DAZL: variants seen among roughly 807,000 people sequenced by gnomAD.
DAZL encodes deleted in azoospermia like, also known as deleted in azoospermia-like.
Under a neutral mutation model 45.0 loss-of-function variants are expected in DAZL, and 4 were observed. That is an observed-to-expected ratio of 0.09 (90% CI 0.04 to 0.20). The LOEUF is 0.20. Ranked by LOEUF, DAZL falls within the 10% of genes least tolerant of loss-of-function variation. The pLI, the probability that DAZL is intolerant of heterozygous loss-of-function variation, is 1.00. For missense variants in DAZL, 326 were observed against 351.3 expected (o/e 0.93, Z 0.58); for synonymous variants, 122 against 112.4 (o/e 1.09, Z -0.54).
chr3:16,588,151 C>G lies in DAZL; in HGVS notation c.*509G>C, dbSNP rs1694465876. 5.8e-6 allele frequency: 1 copy of G among 171,960 alleles called. No individual in the cohort carries two copies. Among genetic ancestry groups the G allele is most frequent in the East Asian group, 1.8e-4 (1 of 5,640 alleles). The allele number at this position is 171,960 out of a possible 1,614,324, so 10.7% of individuals were successfully genotyped here. On this transcript the variant is annotated 3_prime_UTR_variant, in exon 11 of 11. Transcript: ENST00000399444. Reference sequence around the variant, plus strand: ...TTTAGATAAGAAGACTTCAATAAAGCTAACTATATATTGAGTTCCACTGAT... The same window carrying G: ...TTTAGATAAGAAGACTTCAATAAAGGTAACTATATATTGAGTTCCACTGAT...
In DAZL at chr3:16,595,368, TG is replaced by T. The variant is rs1453956819; in HGVS notation, c.515del (p.Pro172GlnfsTer95). 1 of 1,582,186 alleles carries T rather than the reference TG, an allele frequency of 6.3e-7. No homozygotes were observed. Reference sequence around the variant, plus strand: ...CAGTGATGACCTGAACTGGTGAATTTGGGTAAGTAGGATATGCCTGAAAATC... The same window carrying T: ...CAGTGATGACCTGAACTGGTGAATTTGGTAAGTAGGATATGCCTGAAAATC... ...TQYVQAYPTY[P>X]NSPVQVITGY... On this transcript the variant is annotated frameshift_variant, in exon 7 of 11. Coordinates refer to ENST00000399444, the MANE Select transcript of DAZL (RefSeq NM_001351.4). LOFTEE classifies it high-confidence loss of function.
intron 10 of DAZL, 61 bp from the exon 11 acceptor site, chr3:16,588,774 C>G (rs1694475856): frequency 1.7e-5 from 23 of 1,340,276 alleles, no homozygotes; most frequent in Non-Finnish European, 2.4e-5. Context: ...TACTATAGAT[C>G]TGAAAGTTGT....
intron 9 of DAZL, among the ~76,000 whole-genome samples, chr3:16,593,144 A>G (rs193061423): frequency 1.1e-3 from 167 of 152,346 alleles, no homozygotes; most frequent in Middle Eastern, 0.01. Flanking sequence ...TCTTTTGAAG[A>G]GTAGAATTCT....
chr3:16,602,623 T>C lies in DAZL; in HGVS notation c.3+2580A>G, dbSNP rs7649972. On this transcript the variant is annotated intron_variant, in intron 1 of 10. Coordinates refer to ENST00000399444, the MANE Select transcript of DAZL (RefSeq NM_001351.4). Reference sequence around the variant, plus strand: ...CCCTGCCCTCAACACAAATGCAAAATTCCAGCAGTATATAAAGAATATAGT... The same window carrying C: ...CCCTGCCCTCAACACAAATGCAAAACTCCAGCAGTATATAAAGAATATAGT... 4.9e-3 allele frequency among the ~76,000 whole-genome samples: 749 copies of C among 152,234 alleles called. 6 individuals are homozygous for C. The highest frequency in any genetic ancestry group is 0.017 in the African/African-American group (701 of 41,546).
chr3:16,588,722 G>C lies in DAZL; in HGVS notation c.835-9C>G, dbSNP rs768181044. ...TGATGCACTCTTTTATCCTGGAAAAGACAGAAAGAGTCCTTTTACTTTACT... is the reference window on the plus strand; with the variant it reads ...TGATGCACTCTTTTATCCTGGAAAACACAGAAAGAGTCCTTTTACTTTACT... On this transcript the variant is annotated splice_polypyrimidine_tract_variant and intron_variant, in intron 10 of 10. Transcript: ENST00000399444. 1.9e-6 allele frequency: 3 copies of C among 1,609,344 alleles called. 1 individual carries two copies. In the South Asian group the frequency reaches 3.3e-5, roughly 18 times the overall value.
At chr3:16,604,819 G>A in intron 1 of DAZL, 3 of 1,071,320 alleles carry the variant, frequency 2.8e-6, no homozygotes, top group Non-Finnish European at 3.8e-6. Flanking sequence ...CGTGAGTGGG[G>A]GAGCGCGTGG....
At chr3:16,590,429 G>C (rs1207869794) in intron 10 of DAZL, among the ~76,000 whole-genome samples, 1 of 152,158 alleles carries the variant, frequency 6.6e-6, no homozygotes, top group Non-Finnish European at 1.5e-5. Context: ...GACACAAAGT[G>C]ATGGTTAAAC....
chr3:16,604,930 TG>T (rs1460942408), intron 1 of DAZL: 7 of 679,876 alleles, frequency 1.0e-5, no homozygotes, highest in East Asian at 8.3e-5. Context: ...AAGAAGGCCG[TG>T]GCCCTTGCAC....
intron 9 of DAZL, among the ~76,000 whole-genome samples, chr3:16,593,422 C>T (rs897784500): frequency 2.0e-5 from 3 of 152,184 alleles, no homozygotes; most frequent in Non-Finnish European, 2.9e-5. Flanking sequence ...ATCCACCCAT[C>T]TCAGCCCCAA....
intron 10 of DAZL, among the ~76,000 whole-genome samples, chr3:16,589,311 G>A (rs1295306764): frequency 6.6e-6 from 1 of 152,162 alleles, no homozygotes; most frequent in East Asian, 1.9e-4. Flanking sequence ...GCCTTAAAAG[G>A]AGAAATGGGA....
At chr3:16,594,338 GAGA>G (rs1287895086) in intron 8 of DAZL, among the ~76,000 whole-genome samples, 192 bp downstream of exon 8, 3 of 152,016 alleles carry the variant, frequency 2.0e-5, no homozygotes, top group East Asian at 3.8e-4. Flanking sequence ...AAAAACCTGA[GAGA>G]AGAAGGCACT....
At chr3:16,604,099 T>C (rs904227970) in intron 1 of DAZL, among the ~76,000 whole-genome samples, 1 of 152,236 alleles carries the variant, frequency 6.6e-6, no homozygotes, top group Non-Finnish European at 1.5e-5. Context: ...TGTTGCACAA[T>C]TACACATAAT....
In DAZL at chr3:16,598,441, G is replaced by A; in HGVS notation, c.150+11C>T. On this transcript the variant is annotated intron_variant, in intron 2 of 10. Coordinates refer to ENST00000399444, the MANE Select transcript of DAZL (RefSeq NM_001351.4). ...GCATTTCAAGGTAAAAATGAGGTAT[G>A]AATACAATACCCTAACATCAATTCC... The A allele has an allele frequency of 6.2e-7, 1 of 1,605,916 alleles. No individual in the cohort carries two copies. The highest frequency in any genetic ancestry group is 2.2e-5 in the East Asian group (1 of 44,474).
chr3:16,597,347 A>G, intron 4 of DAZL, 143 bp downstream of exon 4: 1 of 738,352 alleles, frequency 1.4e-6, no homozygotes, highest in Non-Finnish European at 2.3e-6. Flanking sequence ...GGTTCTAACA[A>G]GTTATGTAAG....
chr3:16,596,587 A>C (rs56398170), intron 6 of DAZL, among the ~76,000 whole-genome samples, 163 bp downstream of exon 6: 6,093 of 152,168 alleles, frequency 0.04, 429 homozygotes, highest in African/African-American at 0.14. Flanking sequence ...ATAAAGAACA[A>C]CACTAAGAAT....
At chr3:16,604,744 GA>G in intron 1 of DAZL, 1 of 1,364,114 alleles carries the variant, frequency 7.3e-7, no homozygotes, top group Non-Finnish European at 9.4e-7. Flanking sequence ...GAGCCACGGG[GA>G]GAGCGCGCCA....
intron 3 of DAZL, among the ~76,000 whole-genome samples, 184 bp from the exon 4 acceptor site, chr3:16,597,725 A>C (rs1450861866): frequency 6.6e-6 from 1 of 152,176 alleles, no homozygotes; most frequent in East Asian, 1.9e-4. Context: ...GTCAATCAAA[A>C]TGTGCTAAGA....
chr3:16,604,657 G>A (rs1694746815), intron 1 of DAZL: 2 of 1,363,056 alleles, frequency 1.5e-6, no homozygotes, highest in Non-Finnish European at 1.9e-6. Flanking sequence ...GACCAGGAGG[G>A]AACCACTTCC....
At chr3:16,598,755 T>A (rs1348660801) in intron 1 of DAZL, among the ~76,000 whole-genome samples, 157 bp from the exon 2 acceptor site, 2 of 151,930 alleles carry the variant, frequency 1.3e-5, no homozygotes, top group Non-Finnish European at 2.9e-5. Context: ...TCAGAGTAGA[T>A]CAGCATGAAA....
Sources: allele counts gnomAD v4.1 joint callset (sites outside exome capture counted in the v4.1 genomes callset), GRCh38; gene constraint gnomAD v4.1.1; transcripts MANE v1.5; gene names NCBI Gene and HGNC (gene_info 2026-07-23, HGNC 2026-07-21).